CLSTN2: variants seen among roughly 807,000 people sequenced by gnomAD.
The protein encoded by CLSTN2 is calsyntenin 2.
Under a neutral mutation model 101.2 loss-of-function variants are expected in CLSTN2, and 48 were observed. The observed-to-expected ratio is 0.47, with a 90% CI of 0.38 to 0.60. The LOEUF (loss-of-function observed/expected upper bound fraction) is 0.60. CLSTN2 is among the 20% of genes least tolerant of loss of function. The probability of loss-of-function intolerance (pLI) is 0.00; values close to 1 mark genes in which losing one functional copy is unlikely to be tolerated. For missense variants in CLSTN2, 1,160 were observed against 1,238.2 expected (o/e 0.94, Z 0.95); for synonymous variants, 481 against 463.6 (o/e 1.04, Z -0.48).
At chr3:140,380,167 C>T (rs72975051) in intron 2 of CLSTN2, among the ~76,000 whole-genome samples, 3,991 of 152,256 alleles carry the variant, frequency 0.026, 193 homozygotes, top group African/African-American at 0.092. Context: ...ACCATTGAGC[C>T]AGCTCTGACA....
At chr3:139,954,526 G>A (rs1935353822) in intron 1 of CLSTN2, among the ~76,000 whole-genome samples, 1 of 152,102 alleles carries the variant, frequency 6.6e-6, no homozygotes, top group Non-Finnish European at 1.5e-5. Flanking sequence ...CCAAGATCTA[G>A]GGTATGGCAG....
At chr3:140,186,198 T>A (rs747403454) in intron 2 of CLSTN2, among the ~76,000 whole-genome samples, 1 of 152,122 alleles carries the variant, frequency 6.6e-6, no homozygotes, top group South Asian at 2.1e-4. Flanking sequence ...ATCAATGATA[T>A]TGAGAACCAG....
At chr3:140,554,378 T>C (rs1252012390) in intron 10 of CLSTN2, among the ~76,000 whole-genome samples, 1 of 152,164 alleles carries the variant, frequency 6.6e-6, no homozygotes, top group East Asian at 1.9e-4. Flanking sequence ...CAGGGAAAAG[T>C]TAATATACAT....
chr3:140,389,332 C>T (rs544432366), intron 2 of CLSTN2, among the ~76,000 whole-genome samples: 20 of 152,278 alleles, frequency 1.3e-4, no homozygotes, highest in Non-Finnish European at 2.6e-4. Context: ...TGTTCCCCTC[C>T]CCATGTCCAT....
intron 2 of CLSTN2, among the ~76,000 whole-genome samples, chr3:140,281,273 T>TAAATATGTGTTTACA (rs1265467203): frequency 6.6e-6 from 1 of 152,218 alleles, no homozygotes; most frequent in East Asian, 1.9e-4. Flanking sequence ...TTACTTAGTG[T>TAAATATGTGTTTACA]CTAAGATGTG....
chr3:140,274,289 G>A (rs1336914419), intron 2 of CLSTN2, among the ~76,000 whole-genome samples: 4 of 152,092 alleles, frequency 2.6e-5, no homozygotes, highest in Non-Finnish European at 4.4e-5. Flanking sequence ...TGCTTATCCT[G>A]AGTGCCTGGG....
At chr3:140,103,877 G>A (rs1242695675) in intron 1 of CLSTN2, among the ~76,000 whole-genome samples, 5 of 152,174 alleles carry the variant, frequency 3.3e-5, no homozygotes, top group Admixed American at 2.0e-4. Context: ...GCAAGACAAG[G>A]GTTGTGCAAC....
intron 2 of CLSTN2, among the ~76,000 whole-genome samples, chr3:140,356,919 C>G (rs1242553895): frequency 1.3e-5 from 2 of 152,162 alleles, no homozygotes; most frequent in Non-Finnish European, 2.9e-5. Context: ...CATTGTGTCT[C>G]AGTCTGATAG....
intron 1 of CLSTN2, among the ~76,000 whole-genome samples, chr3:140,073,634 G>A (rs1033219459): frequency 6.6e-6 from 1 of 152,226 alleles, no homozygotes; most frequent in East Asian, 1.9e-4. Flanking sequence ...GAGCACTGGC[G>A]AGGGTGGGGC....
intron 1 of CLSTN2, among the ~76,000 whole-genome samples, chr3:140,028,921 C>T (rs1409313964): frequency 6.6e-6 from 1 of 152,076 alleles, no homozygotes; most frequent in Admixed American, 6.5e-5. Context: ...GCCCTAGTGT[C>T]GCTAAGCAGA....
chr3:140,391,532 T>G (rs2088114110), intron 2 of CLSTN2, among the ~76,000 whole-genome samples: 1 of 152,216 alleles, frequency 6.6e-6, no homozygotes, highest in South Asian at 2.1e-4. Flanking sequence ...TGACATTTTA[T>G]ATGAATTTGA....
chr3:140,184,756 G>A (rs2010462700), intron 2 of CLSTN2, among the ~76,000 whole-genome samples: 1 of 152,102 alleles, frequency 6.6e-6, no homozygotes. Context: ...TGTAAAACAT[G>A]CTCATCCCTA....
chr3:140,402,878 T>C (rs2088259005), intron 2 of CLSTN2, among the ~76,000 whole-genome samples: 1 of 152,226 alleles, frequency 6.6e-6, no homozygotes, highest in African/African-American at 2.4e-5. Flanking sequence ...GGCCTCTGTT[T>C]TGCTCCCTCA....
chr3:140,099,325 G>C (rs1040849961), intron 1 of CLSTN2, among the ~76,000 whole-genome samples: 22 of 152,044 alleles, frequency 1.4e-4, no homozygotes, highest in Admixed American at 1.3e-4. Context: ...CCTGGCTTCT[G>C]GTAGCTTTTG....
intron 5 of CLSTN2, among the ~76,000 whole-genome samples, chr3:140,432,663 A>G (rs2088645577): frequency 6.6e-6 from 1 of 152,180 alleles, no homozygotes; most frequent in African/African-American, 2.4e-5. Context: ...ACTCAATGGT[A>G]TCTTAATGTG....
chr3:140,094,630 G>A (rs2008837521), intron 1 of CLSTN2, among the ~76,000 whole-genome samples: 1 of 152,192 alleles, frequency 6.6e-6, no homozygotes, highest in Admixed American at 6.5e-5. Context: ...ATTTAAAAAT[G>A]TAACATCATA....
In CLSTN2 at chr3:140,448,565, C is replaced by G; in HGVS notation, c.834C>G (p.Pro278=). The G allele has an allele frequency of 6.2e-7, 1 of 1,614,038 alleles. No individual in the cohort carries two copies. Among genetic ancestry groups the G allele is most frequent in the Non-Finnish European group, 8.5e-7 (1 of 1,179,978 alleles). Residue 278 remains proline (P), a synonymous_variant, in exon 6 of 17, where the codon CCC becomes CCG. Transcript: ENST00000458420. ...IEYQPGSGSM[P]LFPSIHLETC... ...ACCAGCCTGGCTCCGGGAGCATGCC[C>G]CTGTTCCCCAGCATCCACCTGGAGA...
chr3:140,007,241 G>T (rs1342816173), intron 1 of CLSTN2, among the ~76,000 whole-genome samples: 1 of 152,194 alleles, frequency 6.6e-6, no homozygotes, highest in Admixed American at 6.5e-5. Flanking sequence ...CACTCAGAAA[G>T]CCCTGCATGT....
At chr3:140,235,343 G>T (rs1041938405) in intron 2 of CLSTN2, among the ~76,000 whole-genome samples, 8 of 152,190 alleles carry the variant, frequency 5.3e-5, no homozygotes, top group Admixed American at 1.3e-4. Flanking sequence ...TCCTTTCCAC[G>T]AAGACTTTCC....
Sources: gnomAD v4.1 joint callset for allele counts (sites outside exome capture counted in the v4.1 genomes callset) on GRCh38, gnomAD v4.1.1 for gene constraint, MANE v1.5 for transcripts, NCBI Gene and HGNC (gene_info 2026-07-23, HGNC 2026-07-21) for gene names.